The following SPHKAP variants were observed in gnomAD, a reference collection of about 807,000 sequenced individuals.
SPHKAP encodes A-kinase anchor protein SPHKAP.
In SPHKAP, 67 loss-of-function variants were observed where a neutral mutation model predicts 137.5. The ratio of observed to expected loss-of-function variants is 0.49; its 90% CI spans 0.40 to 0.60. The LOEUF (loss-of-function observed/expected upper bound fraction) is 0.60. Among genes scored for constraint, SPHKAP ranks in the 20% least tolerant of loss-of-function variants. SPHKAP has a pLI of 0.00. For missense variants in SPHKAP, 2,097 were observed against 2,069.3 expected, an observed-to-expected ratio of 1.01 and a Z score of -0.26; for synonymous variants, 813 against 785.3, an observed-to-expected ratio of 1.04 and a Z score of -0.59.
intron 1 of SPHKAP, among the ~76,000 whole-genome samples, chr2:228,133,783 G>A (rs1368468398): frequency 2.0e-5 from 3 of 152,220 alleles, no homozygotes; most frequent in African/African-American, 2.4e-5. Flanking sequence ...GTCACACAGG[G>A]CATTAGTGTA....
chr2:228,156,539 A>G (rs1223107535), intron 1 of SPHKAP, among the ~76,000 whole-genome samples: 9 of 152,254 alleles, frequency 5.9e-5, no homozygotes, highest in African/African-American at 1.7e-4. Flanking sequence ...CAGAAAGAAC[A>G]TAATCCTTTC....
At chr2:228,168,800 A>G (rs1419727734) in intron 1 of SPHKAP, among the ~76,000 whole-genome samples, 4 of 152,190 alleles carry the variant, frequency 2.6e-5, no homozygotes, top group Admixed American at 2.6e-4. Context: ...TTGAAAGCTG[A>G]GACAGGCCAA....
At chr2:228,053,471 T>C (rs534207445) in intron 3 of SPHKAP, among the ~76,000 whole-genome samples, 115 of 152,312 alleles carry the variant, frequency 7.6e-4, no homozygotes, top group African/African-American at 2.3e-3. Flanking sequence ...GCATGTGTGT[T>C]AAAATCTGGC....
At position 228,018,963 on chromosome 2, in the gene SPHKAP, T is replaced by C; in HGVS notation, c.1891A>G (p.Asn631Asp). 1 of 1,614,144 alleles carries C rather than the reference T, an allele frequency of 6.2e-7. No individual in the cohort carries two copies. Among genetic ancestry groups the C allele is most frequent in the Non-Finnish European group, 8.5e-7 (1 of 1,180,004 alleles). ...AAGTCTCCAATGCTGCTGTAGGTAT[T>C]AGGCCTTGTTAAAACCAGAGCAGCC... ...KEAALVLTRP[N>D]TYSSIGDFLD... is the part of the protein sequence containing the mutation. The change falls in exon 7 of 12, where the codon AAT (asparagine) becomes GAT (aspartate). Residue 631 changes from asparagine to aspartate, a missense_variant. Asn to Asp is a conservative substitution (Grantham distance 23, BLOSUM62 1). Coordinates refer to ENST00000392056, the MANE Select transcript of SPHKAP (RefSeq NM_001142644.2).
intron 1 of SPHKAP, among the ~76,000 whole-genome samples, chr2:228,158,928 T>C (rs1041182129): frequency 1.4e-4 from 22 of 152,230 alleles, no homozygotes; most frequent in Non-Finnish European, 1.8e-4. Flanking sequence ...CCAATTTTGC[T>C]CTCCGAATAT....
At chr2:227,998,216 G>A (rs562661283) in intron 7 of SPHKAP, among the ~76,000 whole-genome samples, 1 of 152,074 alleles carries the variant, frequency 6.6e-6, no homozygotes, top group East Asian at 1.9e-4. Flanking sequence ...ATGTTGGCTG[G>A]GCTGGTCTCG....
At chr2:228,074,515 T>C (rs1333892500) in intron 3 of SPHKAP, among the ~76,000 whole-genome samples, 1 of 151,842 alleles carries the variant, frequency 6.6e-6, no homozygotes, top group Non-Finnish European at 1.5e-5. Context: ...TAAAATCAGA[T>C]CTCGTGAGAA....
chr2:228,034,530 T>C (rs1329434367), intron 3 of SPHKAP, among the ~76,000 whole-genome samples: 1 of 152,162 alleles, frequency 6.6e-6, no homozygotes, highest in Non-Finnish European at 1.5e-5. Flanking sequence ...ACTCATTTTA[T>C]GAGGCCAGCA....
At chr2:227,984,306 A>AG (rs1033109356) in intron 11 of SPHKAP, among the ~76,000 whole-genome samples, 2 of 151,394 alleles carry the variant, frequency 1.3e-5, no homozygotes, top group African/African-American at 4.9e-5. Context: ...TCTCAAAAAA[A>AG]AAAAAAAAAA....
intron 3 of SPHKAP, among the ~76,000 whole-genome samples, chr2:228,058,216 A>G (rs1170294723): frequency 1.3e-5 from 2 of 152,156 alleles, no homozygotes; most frequent in Non-Finnish European, 2.9e-5. Flanking sequence ...TGCATCTCCC[A>G]GCCTGTCAAG....
intron 2 of SPHKAP, among the ~76,000 whole-genome samples, chr2:228,119,850 G>A (rs1436956959): frequency 3.3e-5 from 5 of 152,052 alleles, no homozygotes; most frequent in African/African-American, 1.2e-4. Context: ...CTGAGTCCTT[G>A]TGTATTATCC....
chr2:228,154,108 A>G (rs1444352624), intron 1 of SPHKAP, among the ~76,000 whole-genome samples: 1 of 152,192 alleles, frequency 6.6e-6, no homozygotes, highest in Non-Finnish European at 1.5e-5. Context: ...AATAGAATCA[A>G]CCATCTACTT....
At chr2:228,133,190 C>T (rs971909711) in intron 1 of SPHKAP, among the ~76,000 whole-genome samples, 3 of 151,686 alleles carry the variant, frequency 2.0e-5, no homozygotes, top group African/African-American at 7.3e-5. Flanking sequence ...GCCTGTAGTC[C>T]CAACTACTTG....
intron 9 of SPHKAP, chr2:227,991,933 C>G (rs1400607818): frequency 1.2e-5 from 2 of 173,100 alleles, no homozygotes; most frequent in Non-Finnish European, 2.3e-5. Context: ...GGAAGTGTAG[C>G]AGGCTGGGTG....
In SPHKAP at chr2:227,980,065, T is replaced by G. The variant is rs902782546; in HGVS notation, c.*1652A>C. The G allele has an allele frequency of 2.0e-5, 3 of 152,662 alleles. No homozygotes were observed. Among genetic ancestry groups the G allele is most frequent in the African/African-American group, 4.8e-5 (2 of 41,460 alleles). The allele number at this position is 152,662 out of a possible 1,614,324, so 9.5% of individuals were successfully genotyped here. Reference sequence around the variant, plus strand: ...GCTTTGTAAGATAAGTAAACATTTATTTGAGCACAACAAAAGTCTACACAC... The same window carrying G: ...GCTTTGTAAGATAAGTAAACATTTAGTTGAGCACAACAAAAGTCTACACAC... On this transcript the variant is annotated 3_prime_UTR_variant, in exon 12 of 12. Coordinates refer to ENST00000392056, the MANE Select transcript of SPHKAP (RefSeq NM_001142644.2).
intron 2 of SPHKAP, among the ~76,000 whole-genome samples, chr2:228,111,403 C>G (rs1390711580): frequency 6.6e-6 from 1 of 152,114 alleles, no homozygotes. Flanking sequence ...AAGCTATTCT[C>G]TCAGAACTTG....
intron 3 of SPHKAP, among the ~76,000 whole-genome samples, chr2:228,057,058 G>A (rs541323169): frequency 2.6e-5 from 4 of 152,334 alleles, no homozygotes; most frequent in Admixed American, 6.5e-5. Flanking sequence ...AGGCATGGCT[G>A]AAAGCAAAAC....
intron 7 of SPHKAP, among the ~76,000 whole-genome samples, chr2:227,997,856 ATAAAC>A (rs931618463): frequency 6.6e-6 from 1 of 152,254 alleles, no homozygotes; most frequent in African/African-American, 2.4e-5. Context: ...CTGTGAACAC[ATAAAC>A]TATTCTTCAG....
intron 1 of SPHKAP, among the ~76,000 whole-genome samples, chr2:228,134,239 AG>A (rs1699364533): frequency 2.9e-5 from 2 of 69,560 alleles, no homozygotes; most frequent in Non-Finnish European, 5.9e-5. Flanking sequence ...GGAGGGAGGA[AG>A]GAAGGAAGGA....
Sources: gnomAD v4.1 joint callset for allele counts (sites outside exome capture counted in the v4.1 genomes callset) on GRCh38, gnomAD v4.1.1 for gene constraint, MANE v1.5 for transcripts, NCBI Gene and HGNC (gene_info 2026-07-23, HGNC 2026-07-21) for gene names.